Variants in DDX10 observed in about 807,000 individuals in gnomAD.
The protein encoded by DDX10 is probable ATP-dependent RNA helicase DDX10.
A neutral mutation model predicts 104.3 loss-of-function variants in DDX10; 74 were observed. The ratio of observed to expected loss-of-function variants is 0.71; its 90% confidence interval spans 0.59 to 0.86. The LOEUF is 0.86. Among genes scored for constraint, DDX10 ranks in the 40% least tolerant of loss-of-function variants. The pLI is 0.00. For synonymous variants in DDX10, 351 were observed against 353.4 expected (o/e 0.99, Z 0.08); for missense variants, 952 against 1,040.0 (o/e 0.92, Z 1.16).
intron 9 of DDX10, among the ~76,000 whole-genome samples, chr11:108,705,971 A>G (rs1169849926): frequency 6.6e-6 from 1 of 151,566 alleles, no homozygotes; most frequent in African/African-American, 2.4e-5. Flanking sequence ...GAACAGTTCT[A>G]TTTCTTTCTT....
chr11:108,731,891 G>T (rs2094312764), intron 13 of DDX10, among the ~76,000 whole-genome samples: 1 of 152,102 alleles, frequency 6.6e-6, no homozygotes, highest in South Asian at 2.1e-4. Context: ...ATTCCCTGTG[G>T]GAAGACTAAG....
At chr11:108,680,082 G>A (rs565982130) in intron 6 of DDX10, among the ~76,000 whole-genome samples, 85 of 152,258 alleles carry the variant, frequency 5.6e-4, no homozygotes, top group Middle Eastern at 3.4e-3. Flanking sequence ...TTAATATTTA[G>A]CAAAATACCT....
intron 16 of DDX10, among the ~76,000 whole-genome samples, chr11:108,903,588 A>G (rs1863547538): frequency 6.6e-6 from 1 of 152,190 alleles, no homozygotes; most frequent in Non-Finnish European, 1.5e-5. Flanking sequence ...ATATTATATT[A>G]GGTATTATAA....
At chr11:108,689,727 G>C (rs546629071) in intron 7 of DDX10, among the ~76,000 whole-genome samples, 1 of 152,170 alleles carries the variant, frequency 6.6e-6, no homozygotes, top group Non-Finnish European at 1.5e-5. Context: ...GCATGTGTGC[G>C]TGCGTGTGCC....
At chr11:108,701,686 T>TA (rs2094268297) in intron 9 of DDX10, among the ~76,000 whole-genome samples, 1 of 126,822 alleles carries the variant, frequency 7.9e-6, no homozygotes, top group Non-Finnish European at 1.7e-5. Flanking sequence ...TTTTTTTTTT[T>TA]TTTTTTTTTT....
chr11:108,785,721 G>C (rs1177497310), intron 13 of DDX10, among the ~76,000 whole-genome samples: 1 of 152,048 alleles, frequency 6.6e-6, no homozygotes, highest in Non-Finnish European at 1.5e-5. Context: ...TGTATGTAAA[G>C]GTGTTCATAA....
At chr11:108,681,270 C>G (rs1034409890) in intron 6 of DDX10, among the ~76,000 whole-genome samples, 2 of 152,044 alleles carry the variant, frequency 1.3e-5, no homozygotes, top group African/African-American at 4.8e-5. Flanking sequence ...ACTACAAAGA[C>G]TTTGATATTA....
chr11:108,681,487 A>G (rs1388811027), intron 6 of DDX10, among the ~76,000 whole-genome samples: 2 of 152,200 alleles, frequency 1.3e-5, no homozygotes, highest in Non-Finnish European at 1.5e-5. Context: ...TCTAATGTCA[A>G]TGTTAGCTTT....
At chr11:108,679,968 G>A (rs2094232405) in intron 6 of DDX10, among the ~76,000 whole-genome samples, 1 of 152,136 alleles carries the variant, frequency 6.6e-6, no homozygotes, top group African/African-American at 2.4e-5. Context: ...GGAGGGAGGT[G>A]GATGTAGCTT....
At chr11:108,831,336 G>A (rs562604780) in intron 13 of DDX10, among the ~76,000 whole-genome samples, 5 of 150,918 alleles carry the variant, frequency 3.3e-5, no homozygotes, top group East Asian at 3.9e-4. Context: ...CCCAGGAAGC[G>A]GAGGTTGCAG....
chr11:108,761,420 C>T (rs757325452), intron 13 of DDX10, among the ~76,000 whole-genome samples: 75 of 152,198 alleles, frequency 4.9e-4, no homozygotes, highest in Non-Finnish European at 6.8e-4. Context: ...TTGTGGTCCT[C>T]TTTGATTCAG....
rs752348161 is a variant in DDX10 at position 108,770,253 on chromosome 11, A to G, written c.1965+46791A>G. 2.0e-5 allele frequency among the ~76,000 whole-genome samples: 3 copies of G among 152,226 alleles called. 1 individual carries two copies. The highest frequency in any genetic ancestry group is 1.3e-4 in the Admixed American group (2 of 15,286). The stretch of plus-strand genomic sequence containing the variant: ...TTTAACACATTATGGAGAATGGGCT[A>G]TCTAGCCCCTGAAGCATTTATTTAT... On this transcript the variant is annotated intron_variant, in intron 13 of 17. Transcript: ENST00000322536.
intron 13 of DDX10, among the ~76,000 whole-genome samples, chr11:108,737,713 G>A (rs940376768): frequency 6.6e-6 from 1 of 152,108 alleles, no homozygotes; most frequent in Non-Finnish European, 1.5e-5. Flanking sequence ...TCTTGGAGCC[G>A]TTTTCCTTCC....
chr11:108,808,190 A>G (rs900876601), intron 13 of DDX10, among the ~76,000 whole-genome samples: 1 of 152,214 alleles, frequency 6.6e-6, no homozygotes, highest in Non-Finnish European at 1.5e-5. Context: ...AAATGTTTCA[A>G]TGATGGGAAT....
Position 108,734,274 on chromosome 11 carries a change from G to A in DDX10, c.1965+10812G>A, listed in dbSNP as rs190819796. 8.8e-4 allele frequency among the ~76,000 whole-genome samples: 134 copies of A among 152,254 alleles called. 1 individual carries two copies. Among genetic ancestry groups the A allele is most frequent in the African/African-American group, 3.2e-3 (131 of 41,550 alleles). Reference sequence around the variant, plus strand: ...CTCCGAATTTTTGCTACCATGAAGTGAAACAATGGTAGCATGATCTCAGAT... The same window carrying A: ...CTCCGAATTTTTGCTACCATGAAGTAAAACAATGGTAGCATGATCTCAGAT... On this transcript the variant is annotated intron_variant, in intron 13 of 17. Coordinates refer to ENST00000322536, the MANE Select transcript of DDX10 (RefSeq NM_004398.4).
chr11:108,917,751 C>T, intron 16 of DDX10, 122 bp from the exon 17 acceptor site: 1 of 944,134 alleles, frequency 1.1e-6, no homozygotes, highest in South Asian at 1.7e-5. Context: ...GGGCCTACAC[C>T]AGAAGAGAAA....
intron 13 of DDX10, among the ~76,000 whole-genome samples, chr11:108,733,086 C>T (rs1407197251): frequency 6.6e-6 from 1 of 150,746 alleles, no homozygotes; most frequent in East Asian, 1.9e-4. Flanking sequence ...ATTCCAGATC[C>T]TGTTTACATT....
chr11:108,819,204 C>G lies in DDX10; in HGVS notation c.1966-19242C>G, dbSNP rs139895861. Among the ~76,000 whole-genome samples, 600 of 152,158 alleles carry G rather than the reference C, an allele frequency of 3.9e-3. 8 individuals carry two copies. Among genetic ancestry groups the G allele is most frequent in the African/African-American group, 0.014 (574 of 41,524 alleles). On this transcript the variant is annotated intron_variant, in intron 13 of 17. Transcript: ENST00000322536. ...TGTTATATACATGCTATCTTTTGGC[C>G]CAGAGTTATCACTGAAGCTTGTCAC...
intron 13 of DDX10, among the ~76,000 whole-genome samples, chr11:108,815,917 T>G (rs1419017450): frequency 2.0e-5 from 3 of 152,252 alleles, no homozygotes; most frequent in African/African-American, 7.2e-5. Flanking sequence ...TGCCTCACCT[T>G]AAGTTTTCTT....
Sources: allele counts gnomAD v4.1 joint callset (sites outside exome capture counted in the v4.1 genomes callset), GRCh38; gene constraint gnomAD v4.1.1; transcripts MANE v1.5; gene names NCBI Gene and HGNC (gene_info 2026-07-23, HGNC 2026-07-21).